The following EFR3B variants were observed in gnomAD, a reference collection of about 807,000 sequenced individuals.
EFR3B encodes the protein EFR3 homolog B.
In EFR3B, 64 loss-of-function variants were observed where a neutral mutation model predicts 104.7. That is an observed-to-expected ratio of 0.61 (90% CI 0.50 to 0.75). The LOEUF (loss-of-function observed/expected upper bound fraction) is 0.75, where lower values mean the gene tolerates loss of function less well. EFR3B is among the 30% of genes least tolerant of loss of function. EFR3B has a pLI of 0.00. For synonymous variants in EFR3B, 385 were observed against 417.9 expected, an observed-to-expected ratio of 0.92 and a Z score of 0.96; for missense variants, 750 against 1,078.5, an observed-to-expected ratio of 0.70 and a Z score of 4.27.
At chr2:25,103,513 G>GC in intron 3 of EFR3B, 124 bp from the exon 4 acceptor site, 1 of 1,347,442 alleles carries the variant, frequency 7.4e-7, no homozygotes, top group Non-Finnish European at 1.0e-6. Context: ...TTGGCAGCCT[G>GC]TGGGGGAGCC....
At chr2:25,079,728 TACAA>T (rs1228498551) in intron 1 of EFR3B, among the ~76,000 whole-genome samples, 2 of 152,236 alleles carry the variant, frequency 1.3e-5, no homozygotes, top group Non-Finnish European at 2.9e-5. Flanking sequence ...AGGTTCTTTA[TACAA>T]ACAGTGTTCT....
intron 1 of EFR3B, among the ~76,000 whole-genome samples, chr2:25,062,930 CTT>C (rs1270364617): frequency 7.0e-6 from 1 of 143,594 alleles, no homozygotes; most frequent in Admixed American, 6.9e-5. Context: ...TTTTCTTTTT[CTT>C]TTTTTTTTTT....
rs1431322918 is a variant in EFR3B, at chr2:25,154,047, T to C, written c.2349-188T>C. Among the ~76,000 whole-genome samples the C allele has an allele frequency of 2.0e-5, 3 of 152,202 alleles. No homozygotes were observed. Among genetic ancestry groups the C allele is most frequent in the Non-Finnish European group, 4.4e-5 (3 of 68,040 alleles). ...AAAGCAGCAGTGTCACTGCGGAGCC[T>C]GCAGGGAAGCTTGACTCCAAGCTGT... On this transcript the variant is annotated intron_variant, in intron 22 of 22. Transcript: ENST00000403714. The surrounding 1 kb of genome is among the most constrained non-coding windows in gnomAD (Gnocchi z 4.1).
chr2:25,080,505 G>A (rs147512664), intron 1 of EFR3B: 4 of 476,992 alleles, frequency 8.4e-6, no homozygotes, highest in Non-Finnish European at 1.5e-5. Context: ...GTGTTGGCCA[G>A]ACTGTTCTTG....
At chr2:25,107,823 T>C (rs1198347093) in intron 4 of EFR3B, among the ~76,000 whole-genome samples, 1 of 149,386 alleles carries the variant, frequency 6.7e-6, no homozygotes, top group Admixed American at 6.8e-5. Flanking sequence ...TTTTTTTTTT[T>C]ACTTCTTGTT....
At chr2:25,045,674 C>G (rs1312020679) in intron 1 of EFR3B, among the ~76,000 whole-genome samples, 1 of 151,684 alleles carries the variant, frequency 6.6e-6, no homozygotes, top group South Asian at 2.1e-4. Context: ...CCCGGTTACT[C>G]GGGAGACTGA....
chr2:25,111,000 T>C (rs1013371704), intron 4 of EFR3B, among the ~76,000 whole-genome samples: 3 of 152,238 alleles, frequency 2.0e-5, no homozygotes, highest in African/African-American at 7.2e-5. Context: ...ATTCTGGATT[T>C]GTCTGGTTCT....
chr2:25,131,273 T>C lies in EFR3B; in HGVS notation c.850-95T>C. ...TGCCCGGGGCCTTGGAACGTCCCTT[T>C]AGTTTACCCCCGCCTTTGGGTGCCA... On this transcript the variant is annotated intron_variant, in intron 8 of 22. Transcript: ENST00000403714. This position sits in a 1 kb window ranked among gnomAD's most constrained non-coding sequence, Gnocchi z 7.6. 6.8e-7 allele frequency: 1 copy of C among 1,476,884 alleles called. No homozygotes were observed. The highest frequency in any genetic ancestry group is 1.4e-5 in the African/African-American group (1 of 71,484). 91.5% of individuals were successfully genotyped at this position (1,476,884 alleles called of 1,614,324 possible).
intron 1 of EFR3B, among the ~76,000 whole-genome samples, chr2:25,054,604 G>T (rs72807655): frequency 3.3e-4 from 50 of 152,242 alleles, no homozygotes; most frequent in South Asian, 6.2e-4. Context: ...TACCGCACCT[G>T]ACCCATGCAA....
Position 25,042,098 on chromosome 2 carries a change from G to C in EFR3B, c.-215G>C, listed in dbSNP as rs559605909. ...CGCAGCAGTGCCCAGCAACCCGAGCGGAGGCGGCCGCTGCAGCCCGGCGCT... is the reference window on the plus strand; with the variant it reads ...CGCAGCAGTGCCCAGCAACCCGAGCCGAGGCGGCCGCTGCAGCCCGGCGCT... On this transcript the variant is annotated 5_prime_UTR_variant, in exon 1 of 23. Coordinates refer to ENST00000403714, the MANE Select transcript of EFR3B (RefSeq NM_014971.2). The surrounding 1 kb of genome is among the most constrained non-coding windows in gnomAD (Gnocchi z 5.4). 1 of 322,110 alleles carries C rather than the reference G, an allele frequency of 3.1e-6. No individual in the cohort carries two copies. 20.0% of individuals were successfully genotyped at this position (322,110 alleles called of 1,614,324 possible). A position where few individuals can be genotyped will look rare whatever the true frequency, so the allele number is the denominator to read the frequency against.
At chr2:25,153,434 T>G (rs761536470) in intron 21 of EFR3B, among the ~76,000 whole-genome samples, 1 of 152,126 alleles carries the variant, frequency 6.6e-6, no homozygotes, top group South Asian at 2.1e-4. Context: ...TGCCCCATCT[T>G]AAGGAAAAGG....
chr2:25,091,091 A>G (rs1037999292), intron 1 of EFR3B, among the ~76,000 whole-genome samples: 13 of 151,480 alleles, frequency 8.6e-5, no homozygotes, highest in African/African-American at 3.2e-4. Context: ...CCCCCAAGCA[A>G]AAGACATGAA....
intron 1 of EFR3B, among the ~76,000 whole-genome samples, chr2:25,045,030 A>AAC (rs1236344117): frequency 2.0e-5 from 3 of 152,186 alleles, no homozygotes; most frequent in African/African-American, 7.2e-5. Flanking sequence ...ACAAAAGTGA[A>AAC]ACGCATGTCT....
chr2:25,056,767 C>T (rs889720240), intron 1 of EFR3B, among the ~76,000 whole-genome samples: 6 of 152,124 alleles, frequency 3.9e-5, no homozygotes, highest in African/African-American at 1.4e-4. Context: ...CTGCTCAAAA[C>T]GTTCTCCTCT....
In EFR3B at chr2:25,133,408, A is replaced by G; in HGVS notation, c.1285A>G (p.Ile429Val). ...TGENRNRLTQ[I>V]MLLKSLLQVS... ...GGAGAATAGGAACCGTCTGACCCAGATTATGCTGCTAAAATCCCTCCTGCA... is the reference window on the plus strand; with the variant it reads ...GGAGAATAGGAACCGTCTGACCCAGGTTATGCTGCTAAAATCCCTCCTGCA... Residue 429 changes from isoleucine (I) to valine (V), a missense_variant, in exon 12 of 23, where the codon ATT becomes GTT. Coordinates refer to ENST00000403714, the MANE Select transcript of EFR3B (RefSeq NM_014971.2). 6.4e-7 allele frequency: 1 copy of G among 1,552,356 alleles called. No homozygotes were observed. The highest frequency in any genetic ancestry group is 1.2e-5 in the South Asian group (1 of 84,056).
chr2:25,120,806 G>A (rs548200529), intron 4 of EFR3B, among the ~76,000 whole-genome samples: 1 of 152,228 alleles, frequency 6.6e-6, no homozygotes, highest in Admixed American at 6.5e-5. Context: ...GGTGCAGGAG[G>A]AATCTAGCTG....
chr2:25,125,995 C>CAAT (rs1670157879), intron 5 of EFR3B, among the ~76,000 whole-genome samples: 1 of 152,182 alleles, frequency 6.6e-6, no homozygotes, highest in African/African-American at 2.4e-5. Flanking sequence ...TGCTCATCTC[C>CAAT]AATAATCACA....
At chr2:25,089,193 G>A (rs1376773693) in intron 1 of EFR3B, among the ~76,000 whole-genome samples, 1 of 152,144 alleles carries the variant, frequency 6.6e-6, no homozygotes, top group Admixed American at 6.5e-5. Context: ...GGACTGTCCC[G>A]GCCTGATGTC....
intron 1 of EFR3B, among the ~76,000 whole-genome samples, chr2:25,057,417 AAAAAAAC>A (rs898014096): frequency 6.6e-6 from 1 of 152,114 alleles, no homozygotes; most frequent in African/African-American, 2.4e-5. Context: ...GCTAACAAAA[AAAAAAAC>A]AAAAAACAGA....
Sources: allele counts gnomAD v4.1 joint callset (sites outside exome capture counted in the v4.1 genomes callset), GRCh38; gene constraint gnomAD v4.1.1; non-coding constraint Gnocchi (gnomAD v3.1); transcripts MANE v1.5; gene names NCBI Gene and HGNC (gene_info 2026-07-23, HGNC 2026-07-21).